Variants in ARMH3 observed in about 807,000 individuals in gnomAD.
ARMH3 encodes armadillo-like helical domain-containing protein 3.
In ARMH3, 60 loss-of-function variants were observed where a neutral mutation model predicts 99.1. The ratio of observed to expected loss-of-function variants is 0.61; its 90% CI spans 0.49 to 0.75. The LOEUF is 0.75. ARMH3 is among the 30% of genes least tolerant of loss of function. The probability of loss-of-function intolerance (pLI) is 0.00; values close to 1 mark genes in which losing one functional copy is unlikely to be tolerated. For missense variants in ARMH3, 679 were observed against 843.1 expected (o/e 0.81, Z 2.41); for synonymous variants, 285 against 292.8 (o/e 0.97, Z 0.27).
chr10:101,975,203 GA>G lies in ARMH3; in HGVS notation c.1495+8del. On this transcript the variant is annotated splice_region_variant and intron_variant, in intron 20 of 25. Transcript: ENST00000370033. ...GAAAAAGGAAGATGAATTCAAGAGA[GA>G]AAGTTACCTGACCAGAGCTCCCGCC... 6.2e-7 allele frequency: 1 copy of G among 1,609,922 alleles called. No homozygotes were observed. The highest frequency in any genetic ancestry group is 8.5e-7 in the Non-Finnish European group (1 of 1,177,142).
At chr10:101,923,210 G>C (rs1159014597) in intron 23 of ARMH3, among the ~76,000 whole-genome samples, 1 of 152,142 alleles carries the variant, frequency 6.6e-6, no homozygotes, top group Non-Finnish European at 1.5e-5. Flanking sequence ...CTCAGTGTTA[G>C]AAATTCCTGA....
intron 8 of ARMH3, among the ~76,000 whole-genome samples, chr10:102,021,747 T>C (rs942332520): frequency 1.2e-4 from 18 of 151,954 alleles, no homozygotes; most frequent in Non-Finnish European, 2.5e-4. Flanking sequence ...GGGGTTTCAC[T>C]GTGTTAGCCA....
At chr10:101,894,728 C>T (rs567277180) in intron 23 of ARMH3, among the ~76,000 whole-genome samples, 1 of 152,246 alleles carries the variant, frequency 6.6e-6, no homozygotes, top group East Asian at 1.9e-4. Context: ...AACAGTACTT[C>T]TCTCTCACTT....
chr10:102,019,540 A>G (rs1455841164), intron 8 of ARMH3, among the ~76,000 whole-genome samples: 2 of 152,184 alleles, frequency 1.3e-5, no homozygotes, highest in East Asian at 1.9e-4. Flanking sequence ...GGTGAAAGAC[A>G]GTGATATTGA....
At chr10:101,985,472 T>G (rs2135977591) in intron 19 of ARMH3, among the ~76,000 whole-genome samples, 1 of 151,916 alleles carries the variant, frequency 6.6e-6, no homozygotes, top group South Asian at 2.1e-4. Flanking sequence ...CCCAACATTT[T>G]GGGAGGCTGA....
intron 25 of ARMH3, among the ~76,000 whole-genome samples, chr10:101,849,423 T>C (rs533668364): frequency 7.2e-5 from 11 of 152,302 alleles, no homozygotes; most frequent in Admixed American, 6.5e-4. Context: ...GTTAGGAGTT[T>C]AGGAAGACGT....
At chr10:101,848,824 T>TA (rs2066519555) in intron 25 of ARMH3, among the ~76,000 whole-genome samples, 1 of 152,122 alleles carries the variant, frequency 6.6e-6, no homozygotes, top group Non-Finnish European at 1.5e-5. Flanking sequence ...CACATCAACT[T>TA]AAAGACTTGC....
intron 24 of ARMH3, among the ~76,000 whole-genome samples, chr10:101,851,727 G>A (rs2066604889): frequency 6.6e-6 from 1 of 152,236 alleles, no homozygotes; most frequent in Admixed American, 6.5e-5. Flanking sequence ...GAGTTACCGA[G>A]TTCGGTTTGG....
chr10:101,850,415 T>G lies in ARMH3; in HGVS notation c.1861-523A>C, dbSNP rs530932520. On this transcript the variant is annotated intron_variant, in intron 24 of 25. Coordinates refer to ENST00000370033, the MANE Select transcript of ARMH3 (RefSeq NM_024541.3). ...AGCCTGGCCAACTTTCTAATCTCTCTCTCTCTCTTTTTTTTTTTTTCCTTT... is the reference window on the plus strand; with the variant it reads ...AGCCTGGCCAACTTTCTAATCTCTCGCTCTCTCTTTTTTTTTTTTTCCTTT... Among the ~76,000 whole-genome samples the G allele has an allele frequency of 2.0e-5, 3 of 147,944 alleles. No homozygotes were observed. The South Asian group carries it at 6.5e-4, about 32-fold the overall frequency.
intron 23 of ARMH3, among the ~76,000 whole-genome samples, chr10:101,921,093 A>G (rs905914962): frequency 2.0e-5 from 3 of 152,304 alleles, no homozygotes; most frequent in East Asian, 3.9e-4. Flanking sequence ...TAATGCTACC[A>G]AACTTAACAA....
intron 1 of ARMH3, among the ~76,000 whole-genome samples, chr10:102,047,763 C>T (rs1190906710): frequency 6.6e-6 from 1 of 152,186 alleles, no homozygotes; most frequent in African/African-American, 2.4e-5. Flanking sequence ...GCTGGGATTA[C>T]AGGCATAAGC....
chr10:101,957,616 C>G (rs769652189), intron 21 of ARMH3, 34 bp downstream of exon 21: 1 of 1,576,538 alleles, frequency 6.3e-7, no homozygotes. Context: ...TAGCATATGG[C>G]TTCAGAAAAA....
At chr10:101,905,238 T>G (rs192132609) in intron 23 of ARMH3, among the ~76,000 whole-genome samples, 1 of 152,292 alleles carries the variant, frequency 6.6e-6, no homozygotes, top group East Asian at 1.9e-4. Flanking sequence ...TGGAAGACAA[T>G]GATGGCAATG....
At chr10:101,851,809 A>G (rs1011952916) in intron 24 of ARMH3, among the ~76,000 whole-genome samples, 1 of 152,156 alleles carries the variant, frequency 6.6e-6, no homozygotes, top group African/African-American at 2.4e-5. Context: ...CTACAAGATC[A>G]TTTTGCCTGG....
intron 19 of ARMH3, among the ~76,000 whole-genome samples, chr10:101,977,441 A>G (rs1846061214): frequency 6.6e-6 from 1 of 152,210 alleles, no homozygotes; most frequent in Non-Finnish European, 1.5e-5. Flanking sequence ...AAAAAATTCA[A>G]TGATTAAAAT....
intron 18 of ARMH3, among the ~76,000 whole-genome samples, chr10:101,991,647 C>A (rs1200837861): frequency 6.6e-6 from 1 of 152,226 alleles, no homozygotes; most frequent in East Asian, 1.9e-4. Flanking sequence ...TCCCAAAGTG[C>A]TGTGATTACA....
chr10:101,862,617 G>A (rs2066899824), intron 24 of ARMH3, among the ~76,000 whole-genome samples: 1 of 151,878 alleles, frequency 6.6e-6, no homozygotes, highest in African/African-American at 2.4e-5. Flanking sequence ...ATAAGTTAAA[G>A]ATGTATATTG....
intron 1 of ARMH3, among the ~76,000 whole-genome samples, chr10:102,044,785 G>A (rs1407448722): frequency 6.6e-6 from 1 of 152,028 alleles, no homozygotes; most frequent in Non-Finnish European, 1.5e-5. Flanking sequence ...AACCAGTATA[G>A]AAGGAAAAGA....
intron 24 of ARMH3, among the ~76,000 whole-genome samples, chr10:101,863,374 CT>C (rs1316755769): frequency 6.6e-6 from 1 of 152,112 alleles, no homozygotes; most frequent in Non-Finnish European, 1.5e-5. Context: ...ATACATGCAT[CT>C]AAAAACAGTT....
Sources: allele counts gnomAD v4.1 joint callset (sites outside exome capture counted in the v4.1 genomes callset), GRCh38; gene constraint gnomAD v4.1.1; transcripts MANE v1.5; gene names NCBI Gene and HGNC (gene_info 2026-07-23, HGNC 2026-07-21).